Variants in ZNF12 observed in about 807,000 individuals in gnomAD.
ZNF12 encodes gonadotropin inducible transcription repressor 3.
In ZNF12, 34 loss-of-function variants were observed where a neutral mutation model predicts 66.6. That is an observed-to-expected ratio of 0.51 (90% CI 0.39 to 0.68). The LOEUF is 0.68. ZNF12 is among the 30% of genes least tolerant of loss of function. The pLI is 0.00. For synonymous variants in ZNF12, 320 were observed against 278.9 expected (o/e 1.15, Z -1.47); for missense variants, 697 against 826.9 (o/e 0.84, Z 1.93).
At position 6,697,211 on chromosome 7, in the gene ZNF12, T is replaced by A. The variant is rs565118994; in HGVS notation, c.238+128A>T. On this transcript the variant is annotated intron_variant, in intron 4 of 4. Transcript: ENST00000405858. The surrounding 1 kb of genome is among the most constrained non-coding windows in gnomAD (Gnocchi z 6.1). Reference sequence around the variant, plus strand: ...CGGGGAAGGAAGAAGTCTTTGGGAGTGAGATTCAGGTTCATAGAGCATATA... The same window carrying A: ...CGGGGAAGGAAGAAGTCTTTGGGAGAGAGATTCAGGTTCATAGAGCATATA... 7.5e-4 allele frequency: 455 copies of A among 603,724 alleles called. 1 individual carries two copies. Among genetic ancestry groups the A allele is most frequent in the Non-Finnish European group, 9.4e-4 (342 of 363,168 alleles). The allele number at this position is 603,724 out of a possible 1,614,324, so 37.4% of individuals were successfully genotyped here. A position where few individuals can be genotyped will look rare whatever the true frequency, so the allele number is the denominator to read the frequency against.
chr7:6,694,968 G>A (rs775069479), intron 4 of ZNF12, among the ~76,000 whole-genome samples: 3 of 152,136 alleles, frequency 2.0e-5, no homozygotes, highest in Non-Finnish European at 2.9e-5. Flanking sequence ...CTGTCACCCA[G>A]GCTGGAGTGC....
chr7:6,701,999 T>C (rs1299602788), intron 2 of ZNF12, among the ~76,000 whole-genome samples: 4 of 151,158 alleles, frequency 2.6e-5, no homozygotes, highest in African/African-American at 7.3e-5. Flanking sequence ...TCAATTCTTC[T>C]ACCACTCTCT....
rs763364374 is a variant in ZNF12, at chr7:6,697,932, C to G, written c.16-121G>C. The G allele has an allele frequency of 8.8e-7, 1 of 1,142,154 alleles. No homozygotes were observed. The highest frequency in any genetic ancestry group is 1.2e-5 in the South Asian group (1 of 81,388). 70.8% of individuals were successfully genotyped at this position (1,142,154 alleles called of 1,614,324 possible). On this transcript the variant is annotated intron_variant, in intron 2 of 4. Coordinates refer to ENST00000405858, the MANE Select transcript of ZNF12 (RefSeq NM_016265.4). This position sits in a 1 kb window ranked among gnomAD's most constrained non-coding sequence, Gnocchi z 6.1. The stretch of plus-strand genomic sequence containing the variant: ...GTATACCTTTATTTTATGTTACAGA[C>G]TGTCAAAGGGAAACAAACATATCAG...
chr7:6,705,181 T>G lies in ZNF12; in HGVS notation c.-8A>C, dbSNP rs748740119. The G allele has an allele frequency of 6.2e-7, 1 of 1,613,750 alleles. No homozygotes were observed. Among genetic ancestry groups the G allele is most frequent in the South Asian group, 1.1e-5 (1 of 91,056 alleles). ...CACCAGGGATTTATTCATTTTCTGC[T>G]GCTCTTGGAAAAATCTGGAGGACTG... On this transcript the variant is annotated 5_prime_UTR_variant, in exon 2 of 5. Coordinates refer to ENST00000405858, the MANE Select transcript of ZNF12 (RefSeq NM_016265.4). This position sits in a 1 kb window ranked among gnomAD's most constrained non-coding sequence, Gnocchi z 4.0.
At position 6,691,246 on chromosome 7, in the gene ZNF12, T is replaced by C. The variant is rs369716934; in HGVS notation, c.1696A>G (p.Ile566Val). Residue 566 changes from isoleucine (I) to valine (V), a missense_variant, in exon 5 of 5, where the codon ATA (isoleucine) becomes GTA (valine). By Grantham distance (29) the Ile-to-Val change is conservative. Transcript: ENST00000405858. The part of the protein sequence containing the change: ...KFFSQMSYLT[I>V]HHRIHSGEKP... Reference sequence around the variant, plus strand: ...TCTCCTGAATGAATTCTATGATGTATAGTGAGGTATGACATCTGAGAGAAG... The same window carrying C: ...TCTCCTGAATGAATTCTATGATGTACAGTGAGGTATGACATCTGAGAGAAG... 54 of 1,613,698 alleles carry C rather than the reference T, an allele frequency of 3.3e-5. No homozygotes were observed. Among genetic ancestry groups the C allele is most frequent in the Non-Finnish European group, 4.4e-5 (52 of 1,179,896 alleles).
In ZNF12 at chr7:6,698,175, C is replaced by G; in HGVS notation, c.16-364G>C. 2.3e-6 allele frequency: 1 copy of G among 437,288 alleles called. No individual in the cohort carries two copies. Among genetic ancestry groups the G allele is most frequent in the South Asian group, 1.8e-5 (1 of 56,380 alleles). The allele number at this position is 437,288 out of a possible 1,614,324, so 27.1% of individuals were successfully genotyped here. A position where few individuals can be genotyped will look rare whatever the true frequency, so the allele number is the denominator to read the frequency against. On this transcript the variant is annotated intron_variant, in intron 2 of 4. Coordinates refer to ENST00000405858, the MANE Select transcript of ZNF12 (RefSeq NM_016265.4). This position sits in a 1 kb window ranked among gnomAD's most constrained non-coding sequence, Gnocchi z 4.4. ...TCTTTGCACATTCTTCAATTTGCTT[C>G]TAGAACATTAATAATGTTGGTTCTC...
intron 2 of ZNF12, among the ~76,000 whole-genome samples, chr7:6,699,503 TGC>T (rs1780201839): frequency 6.6e-6 from 1 of 152,164 alleles, no homozygotes; most frequent in Non-Finnish European, 1.5e-5. Context: ...TGAATCCAGG[TGC>T]AGGACTGCCC....
At position 6,688,923 on chromosome 7, in the gene ZNF12, G is replaced by A. The variant is rs968238391; in HGVS notation, c.*1925C>T. 8.5e-5 allele frequency: 13 copies of A among 152,742 alleles called. No individual in the cohort carries two copies. Among genetic ancestry groups the A allele is most frequent in the South Asian group, 6.2e-4 (3 of 4,828 alleles). 9.5% of individuals were successfully genotyped at this position (152,742 alleles called of 1,614,324 possible). On this transcript the variant is annotated 3_prime_UTR_variant, in exon 5 of 5. Transcript: ENST00000405858. The surrounding 1 kb of genome is among the most constrained non-coding windows in gnomAD (Gnocchi z 4.3). Reference sequence around the variant, plus strand: ...CCAAAGGTGAATTTTGCAGGTCAACGATATGACAGTTCAAGGAAGCATACA... The same window carrying A: ...CCAAAGGTGAATTTTGCAGGTCAACAATATGACAGTTCAAGGAAGCATACA...
intron 4 of ZNF12, among the ~76,000 whole-genome samples, chr7:6,695,918 G>A (rs1365059061): frequency 6.6e-6 from 1 of 152,226 alleles, no homozygotes; most frequent in Non-Finnish European, 1.5e-5. Context: ...GTATCATGAA[G>A]AGAAGACATT....
chr7:6,700,616 TATTA>T lies in ZNF12; in HGVS notation c.16-2809_16-2806del, dbSNP rs750037662. Among the ~76,000 whole-genome samples the T allele has an allele frequency of 2.6e-4, 40 of 152,290 alleles. No homozygotes were observed. The Middle Eastern group carries it at 0.014, about 52-fold the overall frequency. ...ATTTGTTTTTCACAATGTCAGTCTC[TATTA>T]ATTTCAGCTTTTCAACAGATGACAC... On this transcript the variant is annotated intron_variant, in intron 2 of 4. Coordinates refer to ENST00000405858, the MANE Select transcript of ZNF12 (RefSeq NM_016265.4).
rs941978276 is a variant in ZNF12, at chr7:6,697,204, T to C, written c.238+135A>G. 1.7e-6 allele frequency: 1 copy of C among 591,684 alleles called. No homozygotes were observed. Among genetic ancestry groups the C allele is most frequent in the Non-Finnish European group, 2.8e-6 (1 of 351,676 alleles). The allele number at this position is 591,684 out of a possible 1,614,324, so 36.7% of individuals were successfully genotyped here. A position where few individuals can be genotyped will look rare whatever the true frequency, so the allele number is the denominator to read the frequency against. Reference sequence around the variant, plus strand: ...GTTCTTACGGGGAAGGAAGAAGTCTTTGGGAGTGAGATTCAGGTTCATAGA... The same window carrying C: ...GTTCTTACGGGGAAGGAAGAAGTCTCTGGGAGTGAGATTCAGGTTCATAGA... On this transcript the variant is annotated intron_variant, in intron 4 of 4. Coordinates refer to ENST00000405858, the MANE Select transcript of ZNF12 (RefSeq NM_016265.4). This position sits in a 1 kb window ranked among gnomAD's most constrained non-coding sequence, Gnocchi z 6.1.
chr7:6,694,137 A>T (rs1780117554), intron 4 of ZNF12, among the ~76,000 whole-genome samples: 1 of 145,270 alleles, frequency 6.9e-6, no homozygotes, highest in East Asian at 1.9e-4. Context: ...ACTGCACCCC[A>T]GCCTGGGTGA....
chr7:6,693,510 C>T (rs1780105970), intron 4 of ZNF12, among the ~76,000 whole-genome samples: 1 of 152,210 alleles, frequency 6.6e-6, no homozygotes, highest in Admixed American at 6.5e-5. Flanking sequence ...TAATGCTAAA[C>T]TCATTCTGAC....
chr7:6,703,078 TC>T (rs1462089245), intron 2 of ZNF12, among the ~76,000 whole-genome samples: 68 of 151,468 alleles, frequency 4.5e-4, no homozygotes, highest in African/African-American at 1.4e-3. Flanking sequence ...CTACCTGCCT[TC>T]CTGATGCTGC....
In ZNF12 at chr7:6,697,876, A is replaced by G. The variant is rs1780176416; in HGVS notation, c.16-65T>C. On this transcript the variant is annotated intron_variant, in intron 2 of 4. Coordinates refer to ENST00000405858, the MANE Select transcript of ZNF12 (RefSeq NM_016265.4). This position sits in a 1 kb window ranked among gnomAD's most constrained non-coding sequence, Gnocchi z 6.1. ...AGGCACATAGGTACAAGATCTTAGC[A>G]TGCTCACTGGCAAAATTAACCATGA... is the stretch of plus-strand genomic sequence containing the variant. 17 of 1,592,986 alleles carry G rather than the reference A, an allele frequency of 1.1e-5. No homozygotes were observed. Among genetic ancestry groups the G allele is most frequent in the Non-Finnish European group, 1.4e-5 (16 of 1,162,066 alleles).
rs777482427 is a variant in ZNF12, at chr7:6,705,036, T to C, written c.15+123A>G. 7 of 1,183,486 alleles carry C rather than the reference T, an allele frequency of 5.9e-6. No individual in the cohort carries two copies. Among genetic ancestry groups the C allele is most frequent in the Non-Finnish European group, 8.2e-6 (7 of 854,454 alleles). The allele number at this position is 1,183,486 out of a possible 1,614,324, so 73.3% of individuals were successfully genotyped here. A position where few individuals can be genotyped will look rare whatever the true frequency, so the allele number is the denominator to read the frequency against. The stretch of plus-strand genomic sequence containing the variant: ...AAAGGCTTGGTGCTGATGGCTACTG[T>C]TCTGTCTGACCAAATCTTGTATCTA... On this transcript the variant is annotated intron_variant, in intron 2 of 4. Transcript: ENST00000405858. The surrounding 1 kb of genome is among the most constrained non-coding windows in gnomAD (Gnocchi z 4.0).
chr7:6,694,382 G>A (rs900406970), intron 4 of ZNF12, among the ~76,000 whole-genome samples: 1 of 152,026 alleles, frequency 6.6e-6, no homozygotes, highest in Non-Finnish European at 1.5e-5. Flanking sequence ...CAGATCAAAT[G>A]AGAAAAAAAT....
chr7:6,692,065 CTG>C lies in ZNF12; in HGVS notation c.875_876del (p.Thr292ArgfsTer8). ...TGATTACATTCGTAAGGTTTCTCTCCTGTGTGAGTCCTCTGATGTATAATAAA... is the reference window on the plus strand; with the variant it reads ...TGATTACATTCGTAAGGTTTCTCTCCTGTGAGTCCTCTGATGTATAATAAA... ...SKFIIHQRTH[T>X]GEKPYECNQC... On this transcript the variant is annotated frameshift_variant, in exon 5 of 5. Coordinates refer to ENST00000405858, the MANE Select transcript of ZNF12 (RefSeq NM_016265.4). LOFTEE classifies it high-confidence loss of function. The surrounding 1 kb of genome is among the most constrained non-coding windows in gnomAD (Gnocchi z 5.1). 6.2e-7 allele frequency: 1 copy of C among 1,613,794 alleles called. No homozygotes were observed. The highest frequency in any genetic ancestry group is 8.5e-7 in the Non-Finnish European group (1 of 1,179,676).
chr7:6,692,582 A>T lies in ZNF12; in HGVS notation c.360T>A (p.Thr120=), dbSNP rs1562598644. ...IEERGNVPGK[T]FDVETNPVPS... ...GAACAGGGTTCGTTTCTACATCAAA[A>T]GTTTTACCAGGAACATTACCTCTCT... Residue 120 remains threonine (T), a synonymous_variant, in exon 5 of 5, where the codon ACT becomes ACA. Coordinates refer to ENST00000405858, the MANE Select transcript of ZNF12 (RefSeq NM_016265.4). The surrounding 1 kb of genome is among the most constrained non-coding windows in gnomAD (Gnocchi z 5.1). 4 of 1,613,912 alleles carry T rather than the reference A, an allele frequency of 2.5e-6. No homozygotes were observed. Among genetic ancestry groups the T allele is most frequent in the Non-Finnish European group, 3.4e-6 (4 of 1,179,852 alleles).
Sources: gnomAD v4.1 joint callset for allele counts (sites outside exome capture counted in the v4.1 genomes callset) on GRCh38, gnomAD v4.1.1 for gene constraint, Gnocchi (gnomAD v3.1) non-coding constraint, MANE v1.5 for transcripts, NCBI Gene and HGNC (gene_info 2026-07-23, HGNC 2026-07-21) for gene names.